The following RBFOX1 variants were observed in gnomAD, a reference collection of about 807,000 sequenced individuals.
The protein encoded by RBFOX1 is RNA binding fox-1 homolog 1.
In RBFOX1, 8 loss-of-function variants were observed where a neutral mutation model predicts 57.7. That is an observed-to-expected ratio of 0.14 (90% confidence interval 0.08 to 0.25). The LOEUF (loss-of-function observed/expected upper bound fraction) is 0.25. RBFOX1 is among the 10% of genes least tolerant of loss of function. The pLI, the probability that RBFOX1 is intolerant of heterozygous loss-of-function variation, is 1.00. For missense variants in RBFOX1, 611 were observed against 548.5 expected (o/e 1.11, Z -1.14); for synonymous variants, 326 against 222.4 (o/e 1.47, Z -4.15).
chr16:7,269,043 CAAAAAAAAAA>C (rs56297510), intron 4 of RBFOX1, among the ~76,000 whole-genome samples: 874 of 52,308 alleles, frequency 0.017, 13 homozygotes, highest in African/African-American at 0.05. Context: ...TCTTCCATCT[CAAAAAAAAAA>C]AAAAAAAAAA....
rs559804795 is a variant in RBFOX1 at position 6,023,475 on chromosome 16, T to C, written c.-127+3483T>C. On this transcript the variant is annotated intron_variant, in intron 1 of 15. Transcript: ENST00000550418. ...ATTGGGTCTGCCCTGTATAGGAATC[T>C]GACATTTCACCTTTCCAAAAATTAG... Among the ~76,000 whole-genome samples the C allele has an allele frequency of 5.3e-5, 8 of 152,362 alleles. No individual in the cohort carries two copies. In the East Asian group the frequency reaches 1.5e-3, roughly 29 times the overall value.
At chr16:6,447,971 G>A (rs925830865) in intron 2 of RBFOX1, among the ~76,000 whole-genome samples, 12 of 107,180 alleles carry the variant, frequency 1.1e-4, no homozygotes, top group African/African-American at 4.6e-4. Context: ...AGATATTTCA[G>A]ACAAGAGTCT....
chr16:5,727,276 A>C (rs1353131086), intron 3 of RBFOX1, among the ~76,000 whole-genome samples: 3 of 152,134 alleles, frequency 2.0e-5, no homozygotes, highest in Non-Finnish European at 2.9e-5. Context: ...TGTCTCAAAA[A>C]AAAATGAAAA....
chr16:5,501,219 G>A (rs929834510), intron 2 of RBFOX1, among the ~76,000 whole-genome samples: 2 of 145,372 alleles, frequency 1.4e-5, no homozygotes, highest in Non-Finnish European at 3.0e-5. Context: ...TAGGGTGGCC[G>A]AGACAGGAGA....
chr16:6,191,576 C>T (rs1188499188), intron 1 of RBFOX1, among the ~76,000 whole-genome samples: 1 of 152,096 alleles, frequency 6.6e-6, no homozygotes, highest in Non-Finnish European at 1.5e-5. Flanking sequence ...AAAAAGTTAG[C>T]ACCGTATAGA....
intron 3 of RBFOX1, among the ~76,000 whole-genome samples, chr16:5,831,430 G>C (rs939392385): frequency 6.6e-6 from 1 of 151,968 alleles, no homozygotes; most frequent in East Asian, 1.9e-4. Context: ...GCAGATGTTT[G>C]TATATCCTGT....
chr16:7,547,122 TC>T (rs2084782147), intron 5 of RBFOX1, among the ~76,000 whole-genome samples: 1 of 152,160 alleles, frequency 6.6e-6, no homozygotes, highest in Non-Finnish European at 1.5e-5. Context: ...GATAATGGTT[TC>T]TAAACAGCAC....
chr16:6,193,379 TTATATATATATACTATATA>T (rs2097156014), intron 1 of RBFOX1, among the ~76,000 whole-genome samples: 2 of 63,130 alleles, frequency 3.2e-5, no homozygotes, highest in South Asian at 1.2e-3. Flanking sequence ...TATATATACA[TTATATATATATACTATATA>T]TATATATATA....
chr16:6,199,512 C>CATTTTTTAT (rs1166547678), intron 1 of RBFOX1, among the ~76,000 whole-genome samples: 1 of 152,132 alleles, frequency 6.6e-6, no homozygotes, highest in Non-Finnish European at 1.5e-5. Flanking sequence ...AGGTCTAATC[C>CATTTTTTAT]TGAGTGACTA....
At chr16:5,871,584 C>G (rs1293903073) in intron 4 of RBFOX1, among the ~76,000 whole-genome samples, 1 of 152,268 alleles carries the variant, frequency 6.6e-6, no homozygotes, top group Non-Finnish European at 1.5e-5. Flanking sequence ...ACGAAGTTAC[C>G]TGGGCGCAGC....
chr16:7,211,196 C>G (rs2091056140), intron 4 of RBFOX1, among the ~76,000 whole-genome samples: 1 of 151,604 alleles, frequency 6.6e-6, no homozygotes, highest in East Asian at 1.9e-4. Flanking sequence ...TCAAGACTGT[C>G]CTGGCTAACA....
chr16:7,259,706 C>G (rs1439136779), intron 4 of RBFOX1, among the ~76,000 whole-genome samples: 1 of 152,144 alleles, frequency 6.6e-6, no homozygotes, highest in African/African-American at 2.4e-5. Flanking sequence ...GTTTATACAT[C>G]ACTCACTTAG....
At chr16:5,655,073 C>T (rs1445267375) in intron 3 of RBFOX1, among the ~76,000 whole-genome samples, 1 of 152,176 alleles carries the variant, frequency 6.6e-6, no homozygotes, top group Non-Finnish European at 1.5e-5. Context: ...CATCTGTCTC[C>T]ACACTTAGGA....
intron 12 of RBFOX1, among the ~76,000 whole-genome samples, chr16:7,656,965 C>G (rs934539822): frequency 3.9e-5 from 6 of 152,142 alleles, no homozygotes; most frequent in Admixed American, 2.6e-4. Context: ...TCCACCCACA[C>G]CCCCAGCAAT....
intron 3 of RBFOX1, among the ~76,000 whole-genome samples, chr16:5,759,559 T>C (rs2053522007): frequency 6.6e-6 from 1 of 152,202 alleles, no homozygotes; most frequent in African/African-American, 2.4e-5. Context: ...CTCTTTCTAT[T>C]TCTGTATTTA....
At chr16:7,002,135 G>A (rs563474210) in intron 3 of RBFOX1, among the ~76,000 whole-genome samples, 5 of 152,072 alleles carry the variant, frequency 3.3e-5, no homozygotes, top group African/African-American at 1.2e-4. Flanking sequence ...ATCTTGTTAG[G>A]TGAGTCTAGG....
At chr16:6,785,074 T>C (rs1030226725) in intron 3 of RBFOX1, among the ~76,000 whole-genome samples, 1 of 152,126 alleles carries the variant, frequency 6.6e-6, no homozygotes, top group African/African-American at 2.4e-5. Flanking sequence ...TCTTAGGAAA[T>C]ACTGGATGTG....
At chr16:5,894,199 C>G (rs1474376942) in intron 4 of RBFOX1, among the ~76,000 whole-genome samples, 2 of 152,166 alleles carry the variant, frequency 1.3e-5, no homozygotes, top group African/African-American at 2.4e-5. Flanking sequence ...CACTCTGTTT[C>G]TTTTAGTGTT....
chr16:5,452,258 A>G (rs556509748), intron 1 of RBFOX1, among the ~76,000 whole-genome samples: 31 of 151,710 alleles, frequency 2.0e-4, no homozygotes, highest in Admixed American at 1.7e-3. Flanking sequence ...AGCTGGGATT[A>G]CAGGCATGCA....
Sources: allele counts gnomAD v4.1 joint callset (sites outside exome capture counted in the v4.1 genomes callset), GRCh38; gene constraint gnomAD v4.1.1; transcripts MANE v1.5; gene names NCBI Gene and HGNC (gene_info 2026-07-23, HGNC 2026-07-21).